The following TMEM132D variants were observed in gnomAD, a reference collection of about 807,000 sequenced individuals.
The protein encoded by TMEM132D is mature OL transmembrane protein.
TMEM132D carries 21 observed loss-of-function variants against 62.3 expected under a neutral mutation model. The ratio of observed to expected loss-of-function variants is 0.34; its 90% CI spans 0.24 to 0.49. The LOEUF (loss-of-function observed/expected upper bound fraction) is 0.49, where lower values mean the gene tolerates loss of function less well. Ranked by LOEUF, TMEM132D falls within the 20% of genes least tolerant of loss-of-function variation. The pLI is 0.99. For missense variants in TMEM132D, 1,346 were observed against 1,402.8 expected (o/e 0.96, Z 0.65); for synonymous variants, 621 against 575.6 (o/e 1.08, Z -1.13).
intron 2 of TMEM132D, among the ~76,000 whole-genome samples, chr12:129,630,891 G>C (rs1879330892): frequency 6.6e-6 from 1 of 151,846 alleles, no homozygotes; most frequent in Non-Finnish European, 1.5e-5. Context: ...AGTGTCTGTC[G>C]TTCCCCCTCT....
chr12:129,560,058 A>G (rs902320476), intron 2 of TMEM132D, among the ~76,000 whole-genome samples: 1 of 152,166 alleles, frequency 6.6e-6, no homozygotes, highest in Non-Finnish European at 1.5e-5. Flanking sequence ...TTCAATGTGA[A>G]AAGTGTAACG....
At chr12:129,529,085 T>G (rs1876141244) in intron 3 of TMEM132D, among the ~76,000 whole-genome samples, 1 of 152,246 alleles carries the variant, frequency 6.6e-6, no homozygotes, top group Non-Finnish European at 1.5e-5. Context: ...TGTGTCTGTA[T>G]GTGTATAACC....
intron 2 of TMEM132D, among the ~76,000 whole-genome samples, chr12:129,593,186 G>A (rs1270419451): frequency 6.6e-6 from 1 of 152,156 alleles, no homozygotes; most frequent in Non-Finnish European, 1.5e-5. Context: ...TTAAATGGTT[G>A]GAAAGTCCTT....
intron 4 of TMEM132D, among the ~76,000 whole-genome samples, chr12:129,269,135 G>A (rs1266557785): frequency 2.0e-5 from 3 of 152,106 alleles, no homozygotes; most frequent in Non-Finnish European, 2.9e-5. Context: ...AGACCTGCAC[G>A]TTGTGCACAT....
chr12:129,288,242 T>C (rs1341110236), intron 4 of TMEM132D, among the ~76,000 whole-genome samples: 2 of 152,186 alleles, frequency 1.3e-5, no homozygotes, highest in Admixed American at 6.5e-5. Flanking sequence ...ACAAGTGGTA[T>C]TGCATCAAGC....
At chr12:129,525,590 C>G (rs908663398) in intron 3 of TMEM132D, among the ~76,000 whole-genome samples, 1 of 152,036 alleles carries the variant, frequency 6.6e-6, no homozygotes, top group African/African-American at 2.4e-5. Flanking sequence ...TTTAATGGTT[C>G]TGTTGATTAT....
At chr12:129,643,153 G>A (rs1330162836) in intron 2 of TMEM132D, among the ~76,000 whole-genome samples, 1 of 151,992 alleles carries the variant, frequency 6.6e-6, no homozygotes, top group African/African-American at 2.4e-5. Flanking sequence ...TTGAACTCCT[G>A]ACCTCGTGAT....
chr12:129,794,238 AC>A (rs1258951071), intron 1 of TMEM132D, among the ~76,000 whole-genome samples: 1 of 145,374 alleles, frequency 6.9e-6, no homozygotes, highest in African/African-American at 2.5e-5. Flanking sequence ...ACAGGCGTGC[AC>A]CACCATGCCC....
At chr12:129,464,834 T>C (rs1428537680) in intron 3 of TMEM132D, among the ~76,000 whole-genome samples, 4 of 152,120 alleles carry the variant, frequency 2.6e-5, no homozygotes, top group Non-Finnish European at 4.4e-5. Flanking sequence ...GATCTATATC[T>C]CTGTTTTGGT....
intron 4 of TMEM132D, among the ~76,000 whole-genome samples, chr12:129,224,455 T>A (rs927234654): frequency 6.6e-6 from 1 of 152,262 alleles, no homozygotes; most frequent in Non-Finnish European, 1.5e-5. Context: ...TTGATTTTCT[T>A]GATTTTCTTC....
At chr12:129,306,943 G>C (rs1027366884) in intron 4 of TMEM132D, among the ~76,000 whole-genome samples, 2 of 152,182 alleles carry the variant, frequency 1.3e-5, no homozygotes, top group African/African-American at 2.4e-5. Flanking sequence ...GAATCCGCTA[G>C]TGAGCGACGG....
chr12:129,571,431 C>T (rs1877509493), intron 2 of TMEM132D, among the ~76,000 whole-genome samples: 1 of 151,894 alleles, frequency 6.6e-6, no homozygotes, highest in Non-Finnish European at 1.5e-5. Context: ...AATTAGCTAG[C>T]CGTGGTGGCG....
chr12:129,799,108 T>C (rs1871659435), intron 1 of TMEM132D, among the ~76,000 whole-genome samples: 1 of 151,922 alleles, frequency 6.6e-6, no homozygotes. Flanking sequence ...CTACTAAATA[T>C]ACAAAAATTA....
chr12:129,477,295 C>A lies in TMEM132D; in HGVS notation c.1115+53764G>T, dbSNP rs377396606. ...AATAAGGTAAGCTGACTCTTCAGTT[C>A]CTTTAAGACCCCCCTCCTCATCCTG... is the stretch of plus-strand genomic sequence containing the variant. On this transcript the variant is annotated intron_variant, in intron 3 of 8. Coordinates refer to ENST00000422113, the MANE Select transcript of TMEM132D (RefSeq NM_133448.3). 1.4e-3 allele frequency among the ~76,000 whole-genome samples: 212 copies of A among 152,236 alleles called. 3 individuals carry two copies. Among genetic ancestry groups the A allele is most frequent in the South Asian group, 2.9e-3 (14 of 4,820 alleles).
chr12:129,609,540 A>G (rs1878715343), intron 2 of TMEM132D, among the ~76,000 whole-genome samples: 1 of 152,092 alleles, frequency 6.6e-6, no homozygotes, highest in African/African-American at 2.4e-5. Context: ...CAAGGCTTGG[A>G]CTCAGCCTTG....
At position 129,572,923 on chromosome 12, in the gene TMEM132D, A is replaced by G. The variant is rs559038397; in HGVS notation, c.969-41718T>C. 9.4e-4 allele frequency among the ~76,000 whole-genome samples: 143 copies of G among 152,338 alleles called. 1 individual carries two copies. Among genetic ancestry groups the G allele is most frequent in the African/African-American group, 3.1e-3 (128 of 41,574 alleles). Reference sequence around the variant, plus strand: ...TAAATTAATTTTGTAAATGTTTCTTAGAATGCGACTTCTATACTTCATTGA... The same window carrying G: ...TAAATTAATTTTGTAAATGTTTCTTGGAATGCGACTTCTATACTTCATTGA... On this transcript the variant is annotated intron_variant, in intron 2 of 8. Transcript: ENST00000422113.
chr12:129,612,230 T>C (rs1483715221), intron 2 of TMEM132D, among the ~76,000 whole-genome samples: 21 of 152,326 alleles, frequency 1.4e-4, no homozygotes, highest in Admixed American at 6.5e-4. Flanking sequence ...CTGGCTGATC[T>C]TACTAAGGGG....
chr12:129,296,020 A>AT (rs1881564063), intron 4 of TMEM132D, among the ~76,000 whole-genome samples: 2 of 152,130 alleles, frequency 1.3e-5, no homozygotes, highest in Admixed American at 1.3e-4. Flanking sequence ...ATACACTCAC[A>AT]TACATATATA....
At chr12:129,100,865 G>T (rs1005090177) in intron 5 of TMEM132D, among the ~76,000 whole-genome samples, 4 of 152,164 alleles carry the variant, frequency 2.6e-5, no homozygotes, top group Non-Finnish European at 4.4e-5. Flanking sequence ...GAATTCAAAT[G>T]GTCAGGGTCA....
Sources: gnomAD v4.1 joint callset for allele counts (sites outside exome capture counted in the v4.1 genomes callset) on GRCh38, gnomAD v4.1.1 for gene constraint, MANE v1.5 for transcripts, NCBI Gene and HGNC (gene_info 2026-07-23, HGNC 2026-07-21) for gene names.